The following MAEA variants were observed in gnomAD, a reference collection of about 807,000 sequenced individuals.
The protein encoded by MAEA is E3 ubiquitin-protein transferase MAEA.
A neutral mutation model predicts 46.2 loss-of-function variants in MAEA; 22 were observed. The observed-to-expected ratio is 0.48, with a 90% CI of 0.34 to 0.68. The LOEUF is 0.68. Among genes scored for constraint, MAEA ranks in the 30% least tolerant of loss-of-function variants. MAEA has a pLI of 0.01. For synonymous variants in MAEA, 246 were observed against 222.6 expected, an observed-to-expected ratio of 1.11 and a Z score of -0.94; for missense variants, 393 against 558.1, an observed-to-expected ratio of 0.70 and a Z score of 2.98.
intron 4 of MAEA, 76 bp downstream of exon 4, chr4:1,322,579 C>G: frequency 6.4e-7 from 1 of 1,572,702 alleles, no homozygotes; most frequent in Non-Finnish European, 8.6e-7. Flanking sequence ...CCAGCACCCC[C>G]TTGCCTGGTG....
intron 2 of MAEA, chr4:1,312,397 G>T: frequency 1.9e-6 from 1 of 518,906 alleles, no homozygotes. Context: ...GCCACAGGGA[G>T]ACCAGGATGT....
rs749391861 is a variant in MAEA, at chr4:1,312,205, AC to A, written c.252+48del. On this transcript the variant is annotated intron_variant, in intron 2 of 8. Coordinates refer to ENST00000303400, the MANE Select transcript of MAEA (RefSeq NM_001017405.3). The stretch of plus-strand genomic sequence containing the variant: ...TCCCTCTTCAGTCTGGGGCATGGAC[AC>A]CCCTTTTGTCTCGAAAATGAGTCCT... The A allele has an allele frequency of 5.6e-6, 9 of 1,607,748 alleles. No homozygotes were observed. In the East Asian group the frequency reaches 2.0e-4, roughly 36 times the overall value.
At chr4:1,331,163 C>T (rs951239105) in intron 5 of MAEA, 1 of 150,886 alleles carries the variant, frequency 6.6e-6, no homozygotes, top group Non-Finnish European at 1.5e-5. Flanking sequence ...CCCACGCCCA[C>T]CCACACGCTC....
chr4:1,330,310 T>TTCTCTCTCTCTCTCTCTCTCTCTCTC (rs138157261), intron 5 of MAEA: 5 of 130,242 alleles, frequency 3.8e-5, no homozygotes, highest in African/African-American at 1.9e-4. Flanking sequence ...TTCTGGGTGT[T>TTCTCTCTCTCTCTCTCTCTCTCTCTC]TCTCTCTCTC....
chr4:1,315,493 G>A lies in MAEA; in HGVS notation c.349G>A (p.Ala117Thr). The A allele has an allele frequency of 6.2e-7, 1 of 1,613,908 alleles. No individual in the cohort carries two copies. Among genetic ancestry groups the A allele is most frequent in the African/African-American group, 1.3e-5 (1 of 75,058 alleles). The change falls in exon 3 of 9, where the codon GCC becomes ACC. Residue 117 changes from alanine (A) to threonine (T), a missense_variant. By Grantham distance (58) the Ala-to-Thr change is moderately conservative. This residue lies in a region of MAEA where 358 missense variants were observed against 537.9 expected (regional missense o/e 0.67). Coordinates refer to ENST00000303400, the MANE Select transcript of MAEA (RefSeq NM_001017405.3). ...KEHSSDQPAA[A>T]SVWKRKRMDR... The stretch of plus-strand genomic sequence containing the variant: ...GCATAGCAGCGACCAGCCCGCGGCG[G>A]CCAGCGTGTGGAAGAGGAAGCGCAT...
At chr4:1,328,547 G>A in intron 5 of MAEA, 1 of 1,076,968 alleles carries the variant, frequency 9.3e-7, no homozygotes, top group South Asian at 1.7e-5. Context: ...TCAGCTCCCG[G>A]GCGAGTGCCC....
chr4:1,339,442 G>A lies in MAEA; in HGVS notation c.*273G>A, dbSNP rs1296546439. ...CTTGCGAAGGAAACTCTTCTTTAAAGACTGACCTAAACACCGAGGGAAACT... is the reference window on the plus strand; with the variant it reads ...CTTGCGAAGGAAACTCTTCTTTAAAAACTGACCTAAACACCGAGGGAAACT... On this transcript the variant is annotated 3_prime_UTR_variant, in exon 9 of 9. Transcript: ENST00000303400. 2 of 490,958 alleles carry A rather than the reference G, an allele frequency of 4.1e-6. No homozygotes were observed. Among genetic ancestry groups the A allele is most frequent in the Non-Finnish European group, 7.3e-6 (2 of 274,950 alleles). The allele number at this position is 490,958 out of a possible 1,614,324, so 30.4% of individuals were successfully genotyped here.
At chr4:1,327,789 TCCTGGGACGTCC>T (rs140065352) in intron 5 of MAEA, 86 bp downstream of exon 5, 92,842 of 1,160,306 alleles carry the variant, frequency 0.08, 9,978 homozygotes, top group East Asian at 0.39. Flanking sequence ...GTGGTCTGGG[TCCTGGGACGTCC>T]CCTGGGTCGT....
At position 1,309,517 on chromosome 4, in the gene MAEA, G is replaced by GA. The variant is rs976805330; in HGVS notation, c.70-2461dup. 2.9e-6 allele frequency: 4 copies of GA among 1,357,464 alleles called. No individual in the cohort carries two copies. In the African/African-American group the frequency reaches 5.9e-5, roughly 20 times the overall value. 84.1% of individuals were successfully genotyped at this position (1,357,464 alleles called of 1,614,324 possible). ...GTCAGCAGCTGCCCTGCTGGAGGGAGAGGGGGTGCTGCGCTCATCCCCTGA... is the reference window on the plus strand; with the variant it reads ...GTCAGCAGCTGCCCTGCTGGAGGGAGAAGGGGGTGCTGCGCTCATCCCCTGA... On this transcript the variant is annotated intron_variant, in intron 1 of 8. Transcript: ENST00000303400.
Position 1,315,538 on chromosome 4 carries a change from C to T in MAEA, c.394C>T (p.His132Tyr), listed in dbSNP as rs938059546. The change falls in exon 3 of 9, where the codon CAC becomes TAC. Residue 132 changes from histidine (H) to tyrosine (Y), a missense_variant. His to Tyr is a moderately conservative substitution (Grantham distance 83, BLOSUM62 2). Around this residue, in one of 2 missense-constraint regions of MAEA, gnomAD observed 358 missense variants for 537.9 expected, o/e 0.67. Coordinates refer to ENST00000303400, the MANE Select transcript of MAEA (RefSeq NM_001017405.3). The stretch of plus-strand genomic sequence containing the variant: ...GCGCATGGATCGCATGATGGTGGAG[C>T]ACCTGCTGCGTTGCGGCTACTACAA... The part of the protein sequence containing the change: ...RKRMDRMMVE[H>Y]LLRCGYYNTA... 2.5e-6 allele frequency: 4 copies of T among 1,613,866 alleles called. No individual in the cohort carries two copies. Among genetic ancestry groups the T allele is most frequent in the East Asian group, 2.2e-5 (1 of 44,874 alleles).
intron 7 of MAEA, 53 bp from the exon 8 acceptor site, chr4:1,338,369 C>G: frequency 6.8e-7 from 1 of 1,477,958 alleles, no homozygotes; most frequent in Non-Finnish European, 9.3e-7. Flanking sequence ...GGGGGCTGGG[C>G]TCACCCCGGC....
At position 1,310,031 on chromosome 4, in the gene MAEA, C is replaced by T. The variant is rs570781372; in HGVS notation, c.70-1948C>T. 6.0e-6 allele frequency: 7 copies of T among 1,165,944 alleles called. No individual in the cohort carries two copies. The South Asian group carries it at 1.2e-4, about 20-fold the overall frequency. The allele number at this position is 1,165,944 out of a possible 1,614,324, so 72.2% of individuals were successfully genotyped here. A position where few individuals can be genotyped will look rare whatever the true frequency, so the allele number is the denominator to read the frequency against. ...TGCTGTGTGGGTTCCTCCGCGCGAG[C>T]GAGGGTGGTTGTGCCGCTTTGTCTA... On this transcript the variant is annotated intron_variant, in intron 1 of 8. Coordinates refer to ENST00000303400, the MANE Select transcript of MAEA (RefSeq NM_001017405.3).
At chr4:1,315,912 G>A (rs1191912843) in intron 3 of MAEA, among the ~76,000 whole-genome samples, 10 of 101,952 alleles carry the variant, frequency 9.8e-5, no homozygotes, top group Admixed American at 1.3e-4. Flanking sequence ...CCCCCACCCC[G>A]TGTGTGTGTC....
At position 1,289,976 on chromosome 4, in the gene MAEA, C is replaced by A; in HGVS notation, c.63C>A (p.Thr21=). Residue 21 remains threonine (T), a synonymous_variant, in exon 1 of 9, where the codon ACC becomes ACA. Transcript: ENST00000303400. ...CCCTGAAGGTCCAGGAGTACCCGACCCTCAAGGTGGGCGCCTGCGCCGCGC... is the reference window on the plus strand; with the variant it reads ...CCCTGAAGGTCCAGGAGTACCCGACACTCAAGGTGGGCGCCTGCGCCGCGC... ...SMTLKVQEYP[T]LKVPYETLNK... The A allele has an allele frequency of 6.3e-7, 1 of 1,591,748 alleles. No individual in the cohort carries two copies. Among genetic ancestry groups the A allele is most frequent in the East Asian group, 2.3e-5 (1 of 43,122 alleles).
chr4:1,296,640 CTTG>C (rs1361898265), intron 1 of MAEA, among the ~76,000 whole-genome samples: 1 of 105,854 alleles, frequency 9.4e-6, no homozygotes, highest in Non-Finnish European at 2.0e-5. Flanking sequence ...AAACCCCTTC[CTTG>C]CCCCCGTCCT....
chr4:1,312,341 C>G (rs1736614216), intron 2 of MAEA, 180 bp downstream of exon 2: 1 of 637,910 alleles, frequency 1.6e-6, no homozygotes, highest in South Asian at 1.9e-5. Flanking sequence ...GCTTCCTGTT[C>G]CTGTAGGGAC....
chr4:1,293,972 C>T (rs1485692996), intron 1 of MAEA, among the ~76,000 whole-genome samples: 1 of 152,186 alleles, frequency 6.6e-6, no homozygotes, highest in South Asian at 2.1e-4. Flanking sequence ...CATGTGTTCT[C>T]GAGTGTGAGA....
intron 8 of MAEA, 121 bp from the exon 9 acceptor site, chr4:1,338,953 G>T: frequency 1.2e-6 from 1 of 843,828 alleles, no homozygotes; most frequent in Non-Finnish European, 2.0e-6. Flanking sequence ...GTGCCTTCGG[G>T]AAGGAACTTT....
intron 5 of MAEA, among the ~76,000 whole-genome samples, 199 bp downstream of exon 5, chr4:1,327,902 T>C (rs1739053048): frequency 6.6e-6 from 1 of 152,154 alleles, no homozygotes; most frequent in South Asian, 2.1e-4. Flanking sequence ...GCCTGGAGCC[T>C]GGCAGGGCCC....
Sources: gnomAD v4.1 joint callset for allele counts (sites outside exome capture counted in the v4.1 genomes callset) on GRCh38, gnomAD v4.1.1 for gene constraint, gnomAD v4.1.1 regional missense constraint, MANE v1.5 for transcripts, NCBI Gene and HGNC (gene_info 2026-07-23, HGNC 2026-07-21) for gene names.